The following RIMS1 variants were observed in gnomAD, a reference collection of about 807,000 sequenced individuals.
RIMS1 encodes regulating synaptic membrane exocytosis protein 1.
In RIMS1, 83 loss-of-function variants were observed where a neutral mutation model predicts 214.1. The observed-to-expected ratio is 0.39, with a 90% CI of 0.32 to 0.47. RIMS1 has a LOEUF of 0.47. RIMS1 is among the 20% of genes least tolerant of loss of function. The pLI, the probability that RIMS1 is intolerant of heterozygous loss-of-function variation, is 0.99. For synonymous variants in RIMS1, 793 were observed against 786.8 expected, an observed-to-expected ratio of 1.01 and a Z score of -0.13; for missense variants, 2,050 against 2,161.8, an observed-to-expected ratio of 0.95 and a Z score of 1.03.
intron 2 of RIMS1, among the ~76,000 whole-genome samples, chr6:71,997,163 T>A (rs562890329): frequency 6.6e-6 from 1 of 152,198 alleles, no homozygotes; most frequent in Non-Finnish European, 1.5e-5. Flanking sequence ...TTTCATGTAA[T>A]TTTAGAATAG....
At chr6:71,973,522 C>CTG (rs1414219781) in intron 2 of RIMS1, among the ~76,000 whole-genome samples, 1 of 152,104 alleles carries the variant, frequency 6.6e-6, no homozygotes, top group Non-Finnish European at 1.5e-5. Flanking sequence ...AGTGACTGAC[C>CTG]TGTGACCAAA....
chr6:72,019,627 T>G (rs1435392144), intron 2 of RIMS1, among the ~76,000 whole-genome samples: 1 of 152,144 alleles, frequency 6.6e-6, no homozygotes, highest in African/African-American at 2.4e-5. Context: ...GGCTGTAGAC[T>G]TAACATTCTG....
intron 4 of RIMS1, among the ~76,000 whole-genome samples, chr6:72,116,835 A>C (rs151036658): frequency 0.01 from 1,525 of 152,144 alleles, 15 homozygotes; most frequent in Admixed American, 0.029. Context: ...TTACCATTGA[A>C]AATATCACCA....
At chr6:72,195,122 C>T (rs1330280507) in intron 6 of RIMS1, among the ~76,000 whole-genome samples, 1 of 152,088 alleles carries the variant, frequency 6.6e-6, no homozygotes, top group Non-Finnish European at 1.5e-5. Flanking sequence ...CAAGGGAAAG[C>T]CACTTATACT....
intron 2 of RIMS1, among the ~76,000 whole-genome samples, chr6:71,989,293 T>C (rs1800893638): frequency 6.6e-6 from 1 of 152,204 alleles, no homozygotes; most frequent in South Asian, 2.1e-4. Context: ...TTGCTAACTG[T>C]TATTTTCATT....
At chr6:72,034,006 C>T (rs977833702) in intron 2 of RIMS1, among the ~76,000 whole-genome samples, 2 of 152,092 alleles carry the variant, frequency 1.3e-5, no homozygotes, top group African/African-American at 4.8e-5. Context: ...GCACAGATGT[C>T]TACAGAATGA....
chr6:72,291,768 T>C (rs894283974), intron 25 of RIMS1, among the ~76,000 whole-genome samples, 166 bp from the exon 26 acceptor site: 25 of 152,346 alleles, frequency 1.6e-4, no homozygotes, highest in African/African-American at 6.0e-4. Flanking sequence ...TAACCCCTTT[T>C]TGTAATATTC....
intron 28 of RIMS1, among the ~76,000 whole-genome samples, chr6:72,315,624 G>A (rs764411907): frequency 6.6e-5 from 10 of 152,052 alleles, no homozygotes; most frequent in African/African-American, 1.4e-4. Context: ...TCTGACATTC[G>A]TAGACTAGTT....
At position 72,138,012 on chromosome 6, in the gene RIMS1, A is replaced by G. The variant is rs182503308; in HGVS notation, c.471+38026A>G. 4.4e-3 allele frequency among the ~76,000 whole-genome samples: 673 copies of G among 152,276 alleles called. 6 individuals are homozygous for G. Among genetic ancestry groups the G allele is most frequent in the African/African-American group, 0.016 (651 of 41,546 alleles). The stretch of plus-strand genomic sequence containing the variant: ...TGGCCTCCCCAAGTGCTGAGATTAC[A>G]GGCGTGAGCCACCGCGCCCGGCAAA... On this transcript the variant is annotated intron_variant, in intron 4 of 33. Transcript: ENST00000521978.
chr6:72,182,783 G>A lies in RIMS1; in HGVS notation c.1312G>A (p.Ala438Thr). 6.5e-7 allele frequency: 1 copy of A among 1,545,492 alleles called. No individual in the cohort carries two copies. Among genetic ancestry groups the A allele is most frequent in the South Asian group, 1.2e-5 (1 of 84,254 alleles). Reference protein sequence around the residue: ...YSAERTAETRAPGAKQLTNHS... With the variant: ...YSAERTAETRTPGAKQLTNHS... Reference sequence around the variant, plus strand: ...GGCTGAGAGAACTGCGGAGACCAGGGCGCCGGGCGCCAAGCAGCTAACGAA... The same window carrying A: ...GGCTGAGAGAACTGCGGAGACCAGGACGCCGGGCGCCAAGCAGCTAACGAA... The change falls in exon 6 of 34, where the codon GCG (alanine) becomes ACG (threonine). Residue 438 changes from alanine (A) to threonine (T), a missense_variant. Ala to Thr is a moderately conservative substitution (Grantham distance 58). Transcript: ENST00000521978.
At chr6:72,328,335 T>C (rs1264272129) in intron 28 of RIMS1, among the ~76,000 whole-genome samples, 1 of 151,522 alleles carries the variant, frequency 6.6e-6, no homozygotes, top group Non-Finnish European at 1.5e-5. Flanking sequence ...TTAGGAGAAA[T>C]ACCTAATGTA....
chr6:71,972,559 T>C (rs1174140302), intron 2 of RIMS1, among the ~76,000 whole-genome samples: 1 of 152,210 alleles, frequency 6.6e-6, no homozygotes, highest in African/African-American at 2.4e-5. Flanking sequence ...CAAATGTTCC[T>C]TTTAAGTTAT....
At chr6:72,277,936 C>A (rs1563448928) in intron 23 of RIMS1, among the ~76,000 whole-genome samples, 1 of 152,012 alleles carries the variant, frequency 6.6e-6, no homozygotes, top group African/African-American at 2.4e-5. Flanking sequence ...CATCAGAGTT[C>A]TGAGTTTAGT....
At chr6:72,352,068 T>C (rs1304552581) in intron 29 of RIMS1, among the ~76,000 whole-genome samples, 1 of 152,196 alleles carries the variant, frequency 6.6e-6, no homozygotes, top group African/African-American at 2.4e-5. Context: ...GGGCATGTCA[T>C]TGAAGTTGGC....
intron 9 of RIMS1, among the ~76,000 whole-genome samples, chr6:72,240,175 TC>T (rs2066104916): frequency 6.6e-6 from 1 of 152,218 alleles, no homozygotes; most frequent in Non-Finnish European, 1.5e-5. Flanking sequence ...TGCTTGATTA[TC>T]CATACATAAA....
At position 72,291,996 on chromosome 6, in the gene RIMS1, G is replaced by A; in HGVS notation, c.3800G>A (p.Arg1267Lys). 1 of 1,563,582 alleles carries A rather than the reference G, an allele frequency of 6.4e-7. No homozygotes were observed. Among genetic ancestry groups the A allele is most frequent in the Non-Finnish European group, 8.7e-7 (1 of 1,154,016 alleles). Residue 1267 changes from arginine to lysine, a missense_variant, in exon 26 of 34, where the codon AGG becomes AAG. Arg to Lys is a conservative substitution (Grantham distance 26, BLOSUM62 2). Transcript: ENST00000521978. The stretch of plus-strand genomic sequence containing the variant: ...GCAGACACATCGTTCAGCAGTCGCA[G>A]GGGAAGACAGCTCCCACAAGTGCCA... The part of the protein sequence containing the change: ...PPADTSFSSR[R>K]GRQLPQVPVR...
At chr6:72,257,195 T>C (rs953289853) in intron 16 of RIMS1, among the ~76,000 whole-genome samples, 2 of 76,728 alleles carry the variant, frequency 2.6e-5, no homozygotes, top group Non-Finnish European at 4.6e-5. Context: ...GTTGTAAATA[T>C]AGTTTTTTTT....
At chr6:72,302,342 TAAAC>T (rs942255920) in intron 26 of RIMS1, among the ~76,000 whole-genome samples, 3 of 151,706 alleles carry the variant, frequency 2.0e-5, no homozygotes, top group African/African-American at 7.2e-5. Context: ...AATTTTCAAA[TAAAC>T]CATCTTTCTT....
chr6:71,896,261 T>C (rs767247889), intron 1 of RIMS1, among the ~76,000 whole-genome samples: 10 of 152,184 alleles, frequency 6.6e-5, no homozygotes, highest in Non-Finnish European at 1.3e-4. Context: ...ATATTGAGAA[T>C]GGATATTTCA....
Sources: allele counts gnomAD v4.1 joint callset (sites outside exome capture counted in the v4.1 genomes callset), GRCh38; gene constraint gnomAD v4.1.1; transcripts MANE v1.5; gene names NCBI Gene and HGNC (gene_info 2026-07-23, HGNC 2026-07-21).